HDAC8: variants seen among roughly 807,000 people sequenced by gnomAD.
HDAC8 encodes histone deacetylase-like 1.
A neutral mutation model predicts 32.2 loss-of-function variants in HDAC8; 1 was observed. That is an observed-to-expected ratio of 0.03 (90% CI 0.01 to 0.15). The LOEUF (loss-of-function observed/expected upper bound fraction) is 0.15, where lower values mean the gene tolerates loss of function less well. Among genes scored for constraint, HDAC8 ranks in the 10% least tolerant of loss-of-function variants. The probability of loss-of-function intolerance (pLI) is 1.00; values close to 1 mark genes in which losing one functional copy is unlikely to be tolerated. For synonymous variants in HDAC8, 108 were observed against 113.9 expected, an observed-to-expected ratio of 0.95 and a Z score of 0.33; for missense variants, 117 against 300.0, an observed-to-expected ratio of 0.39 and a Z score of 4.51.
intron 9 of HDAC8, among the ~76,000 whole-genome samples, chrX:72,383,869 CAAAA>C (rs782518910): frequency 3.4e-5 from 1 of 29,540 alleles, no homozygotes; most frequent in Non-Finnish European, 7.0e-5. Context: ...GATGCCATCT[CAAAA>C]AAAAAAAAAA....
chrX:72,470,899 T>C (rs2048155956), intron 7 of HDAC8, among the ~76,000 whole-genome samples: 1 of 111,973 alleles, frequency 8.9e-6, no homozygotes, highest in Admixed American at 9.5e-5. Flanking sequence ...AAGTGTACAA[T>C]TCAATGGCTT....
intron 9 of HDAC8, among the ~76,000 whole-genome samples, chrX:72,356,070 C>T (rs782009640): frequency 8.9e-6 from 1 of 112,297 alleles, no homozygotes; most frequent in South Asian, 3.7e-4. Flanking sequence ...TCACAACCAA[C>T]CCATGCAGTA....
chrX:72,513,303 C>T (rs2049656346), intron 4 of HDAC8, among the ~76,000 whole-genome samples: 2 of 110,906 alleles, frequency 1.8e-5, no homozygotes, highest in Admixed American at 1.9e-4. Context: ...TTAGCACATG[C>T]TATGCTTTAA....
intron 8 of HDAC8, 55 bp from the exon 9 acceptor site, chrX:72,462,153 G>A (rs1555992000): frequency 1.1e-6 from 1 of 904,540 alleles, no homozygotes. Flanking sequence ...AACAGCAGGA[G>A]AGGGAAGGGG....
chrX:72,505,500 T>C (rs184642575), intron 4 of HDAC8, among the ~76,000 whole-genome samples: 1 of 111,916 alleles, frequency 8.9e-6, no homozygotes, highest in Non-Finnish European at 1.9e-5. Context: ...AGGCAAACTT[T>C]ATCTTGTCTG....
At chrX:72,554,801 G>A (rs1556088226) in intron 4 of HDAC8, among the ~76,000 whole-genome samples, 1 of 111,690 alleles carries the variant, frequency 9.0e-6, no homozygotes, top group African/African-American at 3.3e-5. Flanking sequence ...TGCCCCAATA[G>A]ACAAAGACAA....
chrX:72,488,141 C>A (rs2048740380), intron 7 of HDAC8, among the ~76,000 whole-genome samples: 1 of 111,086 alleles, frequency 9.0e-6, no homozygotes, highest in Admixed American at 9.6e-5. Context: ...GTGATGATGG[C>A]CAGTGCAGGC....
intron 9 of HDAC8, among the ~76,000 whole-genome samples, chrX:72,383,968 G>A (rs1462495414): frequency 2.7e-5 from 3 of 110,978 alleles, no homozygotes; most frequent in African/African-American, 3.3e-5. Context: ...TCAGTGTGGG[G>A]AAAGCTGGCA....
intron 4 of HDAC8, among the ~76,000 whole-genome samples, chrX:72,525,813 CAAAAAAAAAA>C (rs57801277): frequency 0.026 from 562 of 21,545 alleles, 7 homozygotes; most frequent in Middle Eastern, 0.077. Flanking sequence ...GACTCTGTCT[CAAAAAAAAAA>C]AAAAAAAAAA....
chrX:72,443,137 A>G (rs1280405515), intron 9 of HDAC8, among the ~76,000 whole-genome samples: 1 of 110,913 alleles, frequency 9.0e-6, no homozygotes, highest in Admixed American at 9.6e-5. Flanking sequence ...CGAGACAGAA[A>G]GTTAACAAGG....
At position 72,511,990 on chromosome X, in the gene HDAC8, T is replaced by C. The variant is rs144013539; in HGVS notation, c.438-16722A>G. ...TCATAATAATAATATGCACATATTC[T>C]ACTCAATATCTTTCATCTGTAGGCT... On this transcript the variant is annotated intron_variant, in intron 4 of 10. Coordinates refer to ENST00000373573, the MANE Select transcript of HDAC8 (RefSeq NM_018486.3). 9.5e-3 allele frequency among the ~76,000 whole-genome samples: 1,070 copies of C among 112,195 alleles called. 81 individuals are homozygous for C. The East Asian group carries it at 0.25, about 26-fold the overall frequency.
At chrX:72,351,712 G>C in intron 10 of HDAC8, 21 bp downstream of exon 10, 2 of 1,127,014 alleles carry the variant, frequency 1.8e-6, no homozygotes, top group Non-Finnish European at 2.4e-6. Flanking sequence ...AGGAGGGCAG[G>C]CCTCGAGGGG....
chrX:72,519,952 T>C (rs1193645356), intron 4 of HDAC8, among the ~76,000 whole-genome samples: 19 of 112,435 alleles, frequency 1.7e-4, no homozygotes, highest in Admixed American at 1.9e-4. Flanking sequence ...CATTTTTAAA[T>C]TGGGTTGTCT....
intron 7 of HDAC8, among the ~76,000 whole-genome samples, chrX:72,487,182 G>A (rs1179516360): frequency 8.9e-6 from 1 of 111,876 alleles, no homozygotes; most frequent in African/African-American, 3.3e-5. Context: ...GAAATCATGT[G>A]TAATCTTCTA....
intron 10 of HDAC8, among the ~76,000 whole-genome samples, chrX:72,341,122 C>T (rs2043877335): frequency 9.0e-6 from 1 of 111,621 alleles, no homozygotes; most frequent in Non-Finnish European, 1.9e-5. Context: ...GCTTGGTGTC[C>T]CCAGTTCCTT....
intron 10 of HDAC8, among the ~76,000 whole-genome samples, chrX:72,349,386 T>C (rs782576006): frequency 3.6e-5 from 4 of 112,540 alleles, no homozygotes; most frequent in African/African-American, 6.4e-5. Context: ...TGGTGACTCA[T>C]ACTGAGCTCC....
intron 9 of HDAC8, among the ~76,000 whole-genome samples, chrX:72,384,578 C>T (rs931039810): frequency 4.5e-5 from 5 of 111,487 alleles, no homozygotes; most frequent in Non-Finnish European, 5.7e-5. Context: ...TTAGCCTGCC[C>T]GCCCTAACTT....
rs183607313 is a variant in HDAC8, at chrX:72,459,005, G to A, written c.1005+2999C>T. On this transcript the variant is annotated intron_variant, in intron 9 of 10. Transcript: ENST00000373573. ...TTTTCACTGGTCCCATGAGGCACCA[G>A]TCCCTTTCTGATCTTTGTTCCCTCT... 1.3e-3 allele frequency among the ~76,000 whole-genome samples: 143 copies of A among 111,715 alleles called. 2 individuals carry two copies. Among genetic ancestry groups the A allele is most frequent in the African/African-American group, 4.3e-3 (131 of 30,749 alleles).
intron 4 of HDAC8, among the ~76,000 whole-genome samples, chrX:72,539,541 A>G (rs781854307): frequency 9.0e-6 from 1 of 111,128 alleles, no homozygotes; most frequent in Non-Finnish European, 1.9e-5. Flanking sequence ...TGCCTGGCCT[A>G]TCTGCTCAAT....
Sources: allele counts gnomAD v4.1 joint callset (sites outside exome capture counted in the v4.1 genomes callset), GRCh38; gene constraint gnomAD v4.1.1; transcripts MANE v1.5; gene names NCBI Gene and HGNC (gene_info 2026-07-23, HGNC 2026-07-21).